ITIH6: variants seen among roughly 807,000 people sequenced by gnomAD.
The protein encoded by ITIH6 is inter-alpha-trypsin inhibitor heavy chain family member 6.
Under a neutral mutation model 58.2 loss-of-function variants are expected in ITIH6, and 60 were observed. The observed-to-expected ratio is 1.03, with a 90% CI of 0.84 to 1.28. The LOEUF is 1.28. ITIH6 is among the 50% of genes most tolerant of loss of function. The probability of loss-of-function intolerance (pLI) is 0.00; values close to 1 mark genes in which losing one functional copy is unlikely to be tolerated. For synonymous variants in ITIH6, 493 were observed against 417.4 expected, an observed-to-expected ratio of 1.18 and a Z score of -2.21; for missense variants, 1,290 against 1,021.1, an observed-to-expected ratio of 1.26 and a Z score of -3.59.
intron 2 of ITIH6, among the ~76,000 whole-genome samples, chrX:54,794,336 A>G (rs1159710166): frequency 1.8e-5 from 2 of 110,832 alleles, no homozygotes; most frequent in African/African-American, 6.6e-5. Flanking sequence ...TTTTTAAAAA[A>G]ATCTGTTGGT....
chrX:54,774,204 CA>C lies in ITIH6; in HGVS notation c.787-8del, dbSNP rs35679081. ...TGAAATAGTCATCGTAAATCTGGAC[CA>C]AAAAAAAAAAAAAAAAAGTAGAACC... On this transcript the variant is annotated splice_region_variant and splice_polypyrimidine_tract_variant and intron_variant, in intron 5 of 12. Coordinates refer to ENST00000218436, the MANE Select transcript of ITIH6 (RefSeq NM_198510.3). 154,099 of 511,914 alleles carry C rather than the reference CA, an allele frequency of 0.3. 4,723 individuals are homozygous for C. Among genetic ancestry groups the C allele is most frequent in the East Asian group, 0.33 (6,332 of 18,951 alleles). The allele number at this position is 511,914 out of a possible 1,213,427, so 42.2% of individuals were successfully genotyped here. A position where few individuals can be genotyped will look rare whatever the true frequency, so the allele number is the denominator to read the frequency against.
chrX:54,783,525 C>T (rs1602064849), intron 5 of ITIH6, among the ~76,000 whole-genome samples: 1 of 111,848 alleles, frequency 8.9e-6, no homozygotes, highest in African/African-American at 3.3e-5. Flanking sequence ...AAATCAGTAG[C>T]ATTTCTATAT....
chrX:54,785,140 T>TA (rs1457713056), intron 5 of ITIH6, among the ~76,000 whole-genome samples: 3 of 88,925 alleles, frequency 3.4e-5, no homozygotes, highest in African/African-American at 1.4e-4. Flanking sequence ...CAGTGGGATC[T>TA]AAAAAATGAA....
At position 54,791,925 on chromosome X, in the gene ITIH6, C is replaced by T; in HGVS notation, c.368+1G>A. The T allele has an allele frequency of 9.2e-7, 1 of 1,083,886 alleles. No individual in the cohort carries two copies. Among genetic ancestry groups the T allele is most frequent in the African/African-American group, 1.8e-5 (1 of 55,277 alleles). 89.3% of individuals were successfully genotyped at this position (1,083,886 alleles called of 1,213,427 possible). ...ATGTTTTGGACTGGATGGGGCCTTA[C>T]CTGATGCCTACATGAGCAGCTGTCT... On this transcript the variant is annotated splice_donor_variant, in intron 3 of 12. Coordinates refer to ENST00000218436, the MANE Select transcript of ITIH6 (RefSeq NM_198510.3). LOFTEE classifies it high-confidence loss of function.
At chrX:54,755,273 AT>A (rs1229968909) in intron 8 of ITIH6, among the ~76,000 whole-genome samples, 164 bp from the exon 9 acceptor site, 1 of 112,811 alleles carries the variant, frequency 8.9e-6, no homozygotes, top group East Asian at 2.8e-4. Context: ...AAGCTCAGAT[AT>A]GTTCAAAGTT....
At chrX:54,753,461 TGTGA>T (rs1468565417) in intron 11 of ITIH6, among the ~76,000 whole-genome samples, 186 bp downstream of exon 11, 1 of 112,231 alleles carries the variant, frequency 8.9e-6, no homozygotes, top group Non-Finnish European at 1.9e-5. Flanking sequence ...TGCGTGTATC[TGTGA>T]GTATCTTGGT....
At chrX:54,772,461 C>G (rs1365929020) in intron 6 of ITIH6, among the ~76,000 whole-genome samples, 2 of 111,930 alleles carry the variant, frequency 1.8e-5, no homozygotes, top group Non-Finnish European at 3.8e-5. Context: ...CTAAATTTAC[C>G]CATGTAACAA....
chrX:54,788,615 C>T lies in ITIH6; in HGVS notation c.651G>A (p.Glu217=), dbSNP rs1929287221. The change falls in exon 5 of 13, where the codon GAG becomes GAA. Residue 217 remains glutamate (E), a synonymous_variant. Transcript: ENST00000218436. ...EVDSPPSTRI[E]RGETCVRITY... ...TGATTCGGACACAGGTCTCTCCCCTCTCGATCCTGGTGGATGGGGGTGAAT... is the reference window on the plus strand; with the variant it reads ...TGATTCGGACACAGGTCTCTCCCCTTTCGATCCTGGTGGATGGGGGTGAAT... The T allele has an allele frequency of 2.5e-6, 3 of 1,210,594 alleles. No individual in the cohort carries two copies. Among genetic ancestry groups the T allele is most frequent in the Non-Finnish European group, 3.4e-6 (3 of 894,800 alleles).
At chrX:54,750,141 T>C (rs1455529665) in intron 12 of ITIH6, 35 bp from the exon 13 acceptor site, 1 of 1,078,025 alleles carries the variant, frequency 9.3e-7, no homozygotes, top group Non-Finnish European at 1.3e-6. Context: ...GTCAGGGAGG[T>C]GGCCTGAGTC....
rs150291663 is a variant in ITIH6 at position 54,759,884 on chromosome X, T to G, written c.947A>C (p.Asn316Thr). ...AAAGGAGATGATGTTGAAGTAGTCATTGGCTTGAAGGTCACTGAGGATCAC... is the reference window on the plus strand; with the variant it reads ...AAAGGAGATGATGTTGAAGTAGTCAGTGGCTTGAAGGTCACTGAGGATCAC... ...MNVILSDLQANDYFNIISFSD... is the reference protein window; with the variant it reads ...MNVILSDLQATDYFNIISFSD... Residue 316 changes from asparagine (N) to threonine (T), a missense_variant, in exon 7 of 13, where the codon AAT becomes ACT. Asn to Thr is a moderately conservative substitution (Grantham distance 65). Coordinates refer to ENST00000218436, the MANE Select transcript of ITIH6 (RefSeq NM_198510.3). 1 of 1,209,126 alleles carries G rather than the reference T, an allele frequency of 8.3e-7. No individual in the cohort carries two copies. Among genetic ancestry groups the G allele is most frequent in the Non-Finnish European group, 1.1e-6 (1 of 894,213 alleles).
In ITIH6 at chrX:54,788,632, G is replaced by C. The variant is rs140757238; in HGVS notation, c.634C>G (p.Pro212Ala). The C allele has an allele frequency of 3.1e-3, 3,690 of 1,205,542 alleles. 56 individuals are homozygous for C. The African/African-American group carries it at 0.056, about 18-fold the overall frequency. ...NAHASEVDSP[P>A]STRIERGETC... ...TCTCCCCTCTCGATCCTGGTGGATGGGGGTGAATCCACCTCACCTGTATGG... is the reference window on the plus strand; with the variant it reads ...TCTCCCCTCTCGATCCTGGTGGATGCGGGTGAATCCACCTCACCTGTATGG... Residue 212 changes from proline (P) to alanine (A), a missense_variant, in exon 5 of 13, where the codon CCA (proline) becomes GCA (alanine). By Grantham distance (27) the Pro-to-Ala change is conservative. Coordinates refer to ENST00000218436, the MANE Select transcript of ITIH6 (RefSeq NM_198510.3).
At chrX:54,796,355 CAT>C (rs1319930264) in intron 2 of ITIH6, among the ~76,000 whole-genome samples, 1 of 112,309 alleles carries the variant, frequency 8.9e-6, no homozygotes, top group African/African-American at 3.2e-5. Flanking sequence ...CTAATTTTAG[CAT>C]ATGTTTCCAT....
At chrX:54,792,417 TG>T (rs934718408) in intron 2 of ITIH6, among the ~76,000 whole-genome samples, 3 of 112,175 alleles carry the variant, frequency 2.7e-5, no homozygotes, top group African/African-American at 9.7e-5. Context: ...TTTACAGTAA[TG>T]TTTCTTAAAT....
chrX:54,771,803 A>C (rs1265804639), intron 6 of ITIH6, among the ~76,000 whole-genome samples: 3 of 111,861 alleles, frequency 2.7e-5, no homozygotes, highest in Non-Finnish European at 3.8e-5. Flanking sequence ...ATCTTACACC[A>C]GTCAGAATGG....
chrX:54,749,314 A>G lies in ITIH6; in HGVS notation c.*581T>C, dbSNP rs776580639. On this transcript the variant is annotated 3_prime_UTR_variant, in exon 13 of 13. Coordinates refer to ENST00000218436, the MANE Select transcript of ITIH6 (RefSeq NM_198510.3). ...AGACAAGTAAACAGATGATTACTAC[A>G]CAGTATAAATACTGTGAGCGTGGAG... is the stretch of plus-strand genomic sequence containing the variant. 4 of 111,674 alleles carry G rather than the reference A, an allele frequency of 3.6e-5. No homozygotes were observed. Among genetic ancestry groups the G allele is most frequent in the African/African-American group, 1.3e-4 (4 of 30,646 alleles). The allele number at this position is 111,674 out of a possible 1,213,427, so 9.2% of individuals were successfully genotyped here. A position where few individuals can be genotyped will look rare whatever the true frequency, so the allele number is the denominator to read the frequency against.
At chrX:54,771,006 C>G (rs1446047130) in intron 6 of ITIH6, among the ~76,000 whole-genome samples, 4 of 111,199 alleles carry the variant, frequency 3.6e-5, no homozygotes, top group African/African-American at 1.3e-4. Context: ...TTTCCTTTAA[C>G]ACTTGTAATA....
At chrX:54,792,176 C>T in intron 2 of ITIH6, 140 bp from the exon 3 acceptor site, 2 of 420,788 alleles carry the variant, frequency 4.8e-6, no homozygotes, top group Non-Finnish European at 4.2e-6. Context: ...CCATAAAGCC[C>T]CAGTGTGAGC....
chrX:54,786,679 G>A (rs1317287382), intron 5 of ITIH6, among the ~76,000 whole-genome samples: 2 of 111,297 alleles, frequency 1.8e-5, no homozygotes, highest in African/African-American at 6.6e-5. Context: ...GTCAGCCTTG[G>A]TTGCCTTCAG....
At chrX:54,762,255 A>G (rs1297531012) in intron 6 of ITIH6, among the ~76,000 whole-genome samples, 1 of 111,599 alleles carries the variant, frequency 9.0e-6, no homozygotes, top group African/African-American at 3.3e-5. Context: ...TTATTGGTGT[A>G]TAAGAATGCT....
Sources: allele counts gnomAD v4.1 joint callset (sites outside exome capture counted in the v4.1 genomes callset), GRCh38; gene constraint gnomAD v4.1.1; transcripts MANE v1.5; gene names NCBI Gene and HGNC (gene_info 2026-07-23, HGNC 2026-07-21).